The following HERC2 variants were observed in gnomAD, a reference collection of about 807,000 sequenced individuals.
The protein encoded by HERC2 is HECT and RLD domain containing E3 ubiquitin protein ligase 2.
Under a neutral mutation model 537.7 loss-of-function variants are expected in HERC2, and 102 were observed. The ratio of observed to expected loss-of-function variants is 0.19; its 90% confidence interval spans 0.16 to 0.22. HERC2 has a LOEUF of 0.22. Among genes scored for constraint, HERC2 ranks in the 10% least tolerant of loss-of-function variants. HERC2 has a pLI of 1.00. For missense variants in HERC2, 4,236 were observed against 6,198.2 expected (o/e 0.68, Z 10.63); for synonymous variants, 2,224 against 2,466.2 (o/e 0.90, Z 2.91).
At position 28,152,720 on chromosome 15, in the gene HERC2, A is replaced by C. The variant is rs1328330824; in HGVS notation, c.10857T>G (p.Pro3619=). 1 of 1,551,672 alleles carries C rather than the reference A, an allele frequency of 6.4e-7. No individual in the cohort carries two copies. The highest frequency in any genetic ancestry group is 8.7e-7 in the Non-Finnish European group (1 of 1,147,232). The change falls in exon 70 of 93, where the codon CCT becomes CCG. Residue 3619 remains proline (P), a synonymous_variant. Transcript: ENST00000261609. ...SQPVVVESSH[P]YTDDTSTSGT... The stretch of plus-strand genomic sequence containing the variant: ...CACTGGTGGAGGTGTCGTCGGTGTA[A>C]GGGTGGCTACTCTCCACCACCACAG...
chr15:28,216,436 T>C (rs1899912662), intron 38 of HERC2, among the ~76,000 whole-genome samples: 1 of 151,080 alleles, frequency 6.6e-6, no homozygotes, highest in South Asian at 2.1e-4. Flanking sequence ...GGCCCACCTC[T>C]GCTCCGCCTG....
At chr15:28,210,030 C>T (rs1034830466) in intron 44 of HERC2, among the ~76,000 whole-genome samples, 4 of 145,344 alleles carry the variant, frequency 2.8e-5, no homozygotes, top group Admixed American at 7.1e-5. Flanking sequence ...CCCTGCAATC[C>T]GCACACACTG....
intron 44 of HERC2, among the ~76,000 whole-genome samples, chr15:28,207,295 C>A (rs373467503): frequency 6.6e-6 from 1 of 152,006 alleles, no homozygotes; most frequent in Non-Finnish European, 1.5e-5. Flanking sequence ...CCACCACGCC[C>A]GGCTAATTTT....
intron 68 of HERC2, among the ~76,000 whole-genome samples, chr15:28,164,217 T>C (rs908660766): frequency 2.6e-5 from 4 of 152,220 alleles, no homozygotes; most frequent in Admixed American, 6.5e-5. Context: ...TCCTGCTTTC[T>C]GGACCTCAGC....
At chr15:28,129,925 G>A (rs533106836) in intron 83 of HERC2, among the ~76,000 whole-genome samples, 12 of 152,066 alleles carry the variant, frequency 7.9e-5, no homozygotes, top group South Asian at 2.1e-4. Context: ...GCAGGCGCGC[G>A]CCACCATGCC....
At chr15:28,182,135 C>G (rs1895884017) in intron 57 of HERC2, among the ~76,000 whole-genome samples, 1 of 152,130 alleles carries the variant, frequency 6.6e-6, no homozygotes. Flanking sequence ...CAAGATACAC[C>G]TATTGACAGT....
In HERC2 at chr15:28,212,467, T is replaced by C. The variant is rs1899359915; in HGVS notation, c.6903A>G (p.Lys2301=). The part of the protein sequence containing the change: ...GSKLEKHKIK[K]STKQAFAGQV... ...GACCTGCAAAGGCCTGTTTAGTCGA[T>C]TTCTTTATTTTGTGCTTTTCTAACT... The change falls in exon 43 of 93, where the codon AAA becomes AAG. Residue 2301 remains lysine, a synonymous_variant. Transcript: ENST00000261609. 2 of 1,610,386 alleles carry C rather than the reference T, an allele frequency of 1.2e-6. No individual in the cohort carries two copies. Among genetic ancestry groups the C allele is most frequent in the Non-Finnish European group, 1.7e-6 (2 of 1,178,582 alleles).
chr15:28,205,070 A>T (rs1200362968), intron 45 of HERC2, among the ~76,000 whole-genome samples: 2 of 152,196 alleles, frequency 1.3e-5, no homozygotes, highest in African/African-American at 4.8e-5. Flanking sequence ...AGCCCAGCTT[A>T]GGGAAACTGC....
Position 28,167,646 on chromosome 15 carries a change from A to G in HERC2, c.10554+41T>C, listed in dbSNP as rs372733603. On this transcript the variant is annotated intron_variant, in intron 68 of 92. Coordinates refer to ENST00000261609, the MANE Select transcript of HERC2 (RefSeq NM_004667.6). The stretch of plus-strand genomic sequence containing the variant: ...ATTTCTACTTCTGTGTACATTTAAG[A>G]TTATTTCACAATACAAAGTTAAAGA... The G allele has an allele frequency of 3.8e-5, 61 of 1,609,294 alleles. 1 individual carries two copies. The highest frequency in any genetic ancestry group is 6.7e-5 in the Admixed American group (4 of 59,884).
chr15:28,127,823 T>C (rs985914441), intron 83 of HERC2, among the ~76,000 whole-genome samples: 4 of 152,118 alleles, frequency 2.6e-5, no homozygotes, highest in African/African-American at 9.7e-5. Flanking sequence ...ATAGACTATA[T>C]ACCCCAATGA....
chr15:28,181,954 T>C (rs1270655218), intron 57 of HERC2, among the ~76,000 whole-genome samples: 1 of 152,160 alleles, frequency 6.6e-6, no homozygotes. Context: ...TCTGCTTGTT[T>C]CTCTGTGCTC....
chr15:28,174,239 C>A (rs1009829917), intron 65 of HERC2, among the ~76,000 whole-genome samples, 156 bp downstream of exon 65: 1 of 152,068 alleles, frequency 6.6e-6, no homozygotes. Flanking sequence ...ATGTATAAAT[C>A]GCATGAGAGC....
chr15:28,297,962 G>A (rs2076513336), intron 3 of HERC2, among the ~76,000 whole-genome samples: 1 of 148,916 alleles, frequency 6.7e-6, no homozygotes. Flanking sequence ...GGCAGAACAT[G>A]GAGGTGGGTC....
chr15:28,253,416 G>A (rs1336591512), intron 20 of HERC2, among the ~76,000 whole-genome samples: 2 of 152,200 alleles, frequency 1.3e-5, no homozygotes, highest in Admixed American at 6.5e-5. Context: ...ATTTTCATTT[G>A]CATCCACCTG....
At chr15:28,129,236 G>A (rs1469871122) in intron 83 of HERC2, among the ~76,000 whole-genome samples, 3 of 152,218 alleles carry the variant, frequency 2.0e-5, no homozygotes, top group African/African-American at 7.2e-5. Flanking sequence ...AGAGGACACA[G>A]AGTAAGACCA....
chr15:28,191,504 A>C (rs1327560748), intron 53 of HERC2, among the ~76,000 whole-genome samples: 2 of 152,208 alleles, frequency 1.3e-5, no homozygotes, highest in African/African-American at 4.8e-5. Context: ...TTACCCACCA[A>C]GTGAGTGACA....
At chr15:28,232,747 T>C (rs1596293987) in intron 30 of HERC2, among the ~76,000 whole-genome samples, 2 of 152,354 alleles carry the variant, frequency 1.3e-5, no homozygotes, top group South Asian at 2.1e-4. Flanking sequence ...TAATTCTCCA[T>C]GTATCAGAAT....
At chr15:28,143,752 C>G (rs1395587776) in intron 74 of HERC2, 121 bp downstream of exon 74, 2 of 1,311,132 alleles carry the variant, frequency 1.5e-6, no homozygotes, top group South Asian at 1.4e-5. Context: ...GGTCCAAGGC[C>G]TCCTTATTCT....
chr15:28,135,081 G>T (rs1314576116), intron 79 of HERC2, among the ~76,000 whole-genome samples: 1 of 152,100 alleles, frequency 6.6e-6, no homozygotes, highest in African/African-American at 2.4e-5. Flanking sequence ...TGTGAGTTTG[G>T]TTCATTCTTT....
Sources: allele counts gnomAD v4.1 joint callset (sites outside exome capture counted in the v4.1 genomes callset), GRCh38; gene constraint gnomAD v4.1.1; transcripts MANE v1.5; gene names NCBI Gene and HGNC (gene_info 2026-07-23, HGNC 2026-07-21).